The following TRMT9B variants were observed in gnomAD, a reference collection of about 807,000 sequenced individuals.
TRMT9B encodes the protein tRNA methyltransferase 9B (putative), also known as probable tRNA methyltransferase 9B.
In TRMT9B, 16 loss-of-function variants were observed where a neutral mutation model predicts 11.5. The ratio of observed to expected loss-of-function variants is 1.39; its 90% confidence interval spans 0.94 to 2.11. TRMT9B has a LOEUF of 2.11. TRMT9B is among the 30% of genes most tolerant of loss of function. TRMT9B has a pLI of 0.00. For synonymous variants in TRMT9B, 274 were observed against 192.4 expected, an observed-to-expected ratio of 1.42 and a Z score of -3.51; for missense variants, 941 against 553.8, an observed-to-expected ratio of 1.70 and a Z score of -7.02.
chr8:12,966,541 A>C (rs1230497796), intron 1 of TRMT9B, among the ~76,000 whole-genome samples: 1 of 152,236 alleles, frequency 6.6e-6, no homozygotes, highest in Non-Finnish European at 1.5e-5. Flanking sequence ...ACATAAAAGC[A>C]TGTGTTGGAA....
intron 3 of TRMT9B, chr8:13,010,432 G>T (rs1203028947): frequency 1.0e-6 from 1 of 985,098 alleles, no homozygotes; most frequent in Non-Finnish European, 1.2e-6. Context: ...GGTTTCTGTT[G>T]CTAGGTTTTT....
At chr8:12,980,131 T>G (rs1455015044) in intron 1 of TRMT9B, among the ~76,000 whole-genome samples, 1 of 152,108 alleles carries the variant, frequency 6.6e-6, no homozygotes, top group East Asian at 1.9e-4. Flanking sequence ...ACAACAGAAA[T>G]GTATTCTCTT....
At chr8:12,960,673 C>G (rs1563314828) in intron 1 of TRMT9B, among the ~76,000 whole-genome samples, 2 of 152,244 alleles carry the variant, frequency 1.3e-5, no homozygotes, top group East Asian at 3.9e-4. Flanking sequence ...CGGTGGAACC[C>G]TAAATGCATA....
At chr8:12,995,530 C>G (rs977052963) in intron 2 of TRMT9B, among the ~76,000 whole-genome samples, 1 of 152,136 alleles carries the variant, frequency 6.6e-6, no homozygotes, top group East Asian at 1.9e-4. Flanking sequence ...TCACTCAATA[C>G]ATATATTAAT....
chr8:13,024,945 C>G lies in TRMT9B; in HGVS notation c.*2901C>G, dbSNP rs532354483. On this transcript the variant is annotated 3_prime_UTR_variant, in exon 5 of 5. Coordinates refer to ENST00000524591, the MANE Select transcript of TRMT9B (RefSeq NM_020844.3). ...CATTGAAGAGCAAAACTAATGTAAA[C>G]GTCTTGATCATTTAAAAAGCTTGCT... 16 of 166,990 alleles carry G rather than the reference C, an allele frequency of 9.6e-5. No individual in the cohort carries two copies. Among genetic ancestry groups the G allele is most frequent in the African/African-American group, 3.9e-4 (16 of 41,510 alleles). The allele number at this position is 166,990 out of a possible 1,614,324, so 10.3% of individuals were successfully genotyped here. A position where few individuals can be genotyped will look rare whatever the true frequency, so the allele number is the denominator to read the frequency against.
chr8:13,017,803 T>C (rs898909547), intron 4 of TRMT9B, among the ~76,000 whole-genome samples: 5 of 151,526 alleles, frequency 3.3e-5, no homozygotes, highest in African/African-American at 9.7e-5. Flanking sequence ...TTTATTTTTT[T>C]GGTAGAGATG....
chr8:12,997,805 G>A (rs574326521), intron 2 of TRMT9B, among the ~76,000 whole-genome samples: 9 of 152,306 alleles, frequency 5.9e-5, no homozygotes, highest in Admixed American at 4.6e-4. Flanking sequence ...CATATGTGTA[G>A]CTTTAGTTGT....
Position 12,966,405 on chromosome 8 carries a change from T to A in TRMT9B, c.-200+20439T>A, listed in dbSNP as rs530524771. Among the ~76,000 whole-genome samples the A allele has an allele frequency of 5.9e-5, 9 of 152,300 alleles. No individual in the cohort carries two copies. In the South Asian group the frequency reaches 1.2e-3, roughly 21 times the overall value. Reference sequence around the variant, plus strand: ...TATAATACTTTGTCGTCTTTATTGATAACCCCTATGTTATCAATAAAGATG... The same window carrying A: ...TATAATACTTTGTCGTCTTTATTGAAAACCCCTATGTTATCAATAAAGATG... On this transcript the variant is annotated intron_variant, in intron 1 of 4. Transcript: ENST00000524591.
chr8:13,017,208 G>A (rs563068213), intron 4 of TRMT9B, among the ~76,000 whole-genome samples: 6 of 152,222 alleles, frequency 3.9e-5, no homozygotes, highest in Non-Finnish European at 5.9e-5. Flanking sequence ...TGCAGATTCT[G>A]AATGCTGAAG....
At chr8:12,962,883 T>C (rs916755799) in intron 1 of TRMT9B, among the ~76,000 whole-genome samples, 2 of 152,222 alleles carry the variant, frequency 1.3e-5, no homozygotes, top group African/African-American at 4.8e-5. Context: ...CTGGCACAGC[T>C]AACAGCTGAC....
chr8:13,013,674 C>T (rs1812082596), intron 4 of TRMT9B, among the ~76,000 whole-genome samples: 2 of 152,094 alleles, frequency 1.3e-5, no homozygotes, highest in Non-Finnish European at 2.9e-5. Flanking sequence ...CCTATTTGGC[C>T]GGGTGCAGCG....
intron 1 of TRMT9B, among the ~76,000 whole-genome samples, chr8:12,955,320 G>A (rs1418580533): frequency 6.6e-6 from 1 of 152,174 alleles, no homozygotes; most frequent in African/African-American, 2.4e-5. Flanking sequence ...TGTTTTTAGA[G>A]ATGATGATGA....
At chr8:12,958,950 G>A (rs1033038670) in intron 1 of TRMT9B, among the ~76,000 whole-genome samples, 2 of 152,068 alleles carry the variant, frequency 1.3e-5, no homozygotes, top group Non-Finnish European at 2.9e-5. Context: ...GTCAGGGGTC[G>A]GGGGCTGTGG....
chr8:13,012,906 C>G (rs751574976), intron 4 of TRMT9B, 49 bp downstream of exon 4: 1 of 1,597,692 alleles, frequency 6.3e-7, no homozygotes, highest in Non-Finnish European at 8.5e-7. Context: ...GAATAATTGA[C>G]CCGGTTTAGT....
chr8:12,965,881 C>T (rs777638751), intron 1 of TRMT9B, among the ~76,000 whole-genome samples: 25 of 151,148 alleles, frequency 1.7e-4, no homozygotes, highest in Non-Finnish European at 3.4e-4. Context: ...GGTGTGGTGG[C>T]GGGCACCTGT....
intron 2 of TRMT9B, among the ~76,000 whole-genome samples, chr8:13,005,732 A>G (rs1470445920): frequency 6.6e-6 from 1 of 152,240 alleles, no homozygotes; most frequent in African/African-American, 2.4e-5. Context: ...CTATACTAAA[A>G]TAAAAGCAGT....
intron 2 of TRMT9B, among the ~76,000 whole-genome samples, chr8:12,994,098 C>T (rs958452870): frequency 2.0e-5 from 3 of 152,156 alleles, no homozygotes; most frequent in Non-Finnish European, 4.4e-5. Context: ...GCCTGGCAGG[C>T]CCCAGTGACA....
rs865938383 is a variant in TRMT9B, at chr8:12,983,814, T to C, written c.-199-7020T>C. On this transcript the variant is annotated intron_variant, in intron 1 of 4. Coordinates refer to ENST00000524591, the MANE Select transcript of TRMT9B (RefSeq NM_020844.3). ...GTACAGTAGCCTTTTAATCAAAACATAGCATTGCAGATGGAGACAGAAAGC... is the reference window on the plus strand; with the variant it reads ...GTACAGTAGCCTTTTAATCAAAACACAGCATTGCAGATGGAGACAGAAAGC... Among the ~76,000 whole-genome samples, 7 of 152,290 alleles carry C rather than the reference T, an allele frequency of 4.6e-5. No homozygotes were observed. The South Asian group carries it at 8.3e-4, about 18-fold the overall frequency.
intron 1 of TRMT9B, among the ~76,000 whole-genome samples, chr8:12,982,292 A>G (rs1303630568): frequency 6.6e-6 from 1 of 152,202 alleles, no homozygotes; most frequent in Non-Finnish European, 1.5e-5. Flanking sequence ...ATGGAGCTGG[A>G]ATCCACACCA....
Sources: gnomAD v4.1 joint callset for allele counts (sites outside exome capture counted in the v4.1 genomes callset) on GRCh38, gnomAD v4.1.1 for gene constraint, MANE v1.5 for transcripts, NCBI Gene and HGNC (gene_info 2026-07-23, HGNC 2026-07-21) for gene names.